The following REEP1 variants were observed in gnomAD, a reference collection of about 807,000 sequenced individuals.
The protein encoded by REEP1 is receptor accessory protein 1.
REEP1 carries 22 observed loss-of-function variants against 40.3 expected under a neutral mutation model. The ratio of observed to expected loss-of-function variants is 0.55; its 90% CI spans 0.39 to 0.78. The LOEUF (loss-of-function observed/expected upper bound fraction) is 0.78. Ranked by LOEUF, REEP1 falls within the 30% of genes least tolerant of loss-of-function variation. The pLI, the probability that REEP1 is intolerant of heterozygous loss-of-function variation, is 0.00. For missense variants in REEP1, 280 were observed against 361.1 expected (o/e 0.78, Z 1.82); for synonymous variants, 116 against 139.2 (o/e 0.83, Z 1.17).
chr2:86,323,791 G>A (rs149357437), intron 1 of REEP1, among the ~76,000 whole-genome samples: 113 of 152,292 alleles, frequency 7.4e-4, no homozygotes, highest in African/African-American at 2.3e-3. Context: ...CTAACACAGC[G>A]TGGCACTGTG....
At chr2:86,239,650 C>T (rs1305212070) in intron 5 of REEP1, among the ~76,000 whole-genome samples, 1 of 152,174 alleles carries the variant, frequency 6.6e-6, no homozygotes, top group African/African-American at 2.4e-5. Flanking sequence ...GCATGAGGAC[C>T]AGGCCCTTGT....
intron 6 of REEP1, 81 bp from the exon 7 acceptor site, chr2:86,227,479 G>A: frequency 8.8e-7 from 1 of 1,135,372 alleles, no homozygotes; most frequent in African/African-American, 1.6e-5. Context: ...GGAGGCCCTG[G>A]AGAGGTGTGG....
chr2:86,251,490 G>C (rs1225402790), intron 5 of REEP1: 1 of 201,562 alleles, frequency 5.0e-6, no homozygotes, highest in African/African-American at 2.3e-5. Flanking sequence ...CCACATGATC[G>C]TGAGTGAGTC....
chr2:86,304,496 C>A (rs924571661), intron 1 of REEP1, among the ~76,000 whole-genome samples: 1 of 152,200 alleles, frequency 6.6e-6, no homozygotes, highest in Non-Finnish European at 1.5e-5. Flanking sequence ...ATGCTTCAAT[C>A]CTTTGCATCC....
At chr2:86,288,527 C>A (rs1344502870) in intron 1 of REEP1, among the ~76,000 whole-genome samples, 1 of 152,190 alleles carries the variant, frequency 6.6e-6, no homozygotes, top group African/African-American at 2.4e-5. Context: ...TCTGTTGATG[C>A]ATACTTAGGT....
Position 86,319,905 on chromosome 2 carries a change from C to T in REEP1, c.32+17574G>A, listed in dbSNP as rs375118446. Among the ~76,000 whole-genome samples, 132 of 152,250 alleles carry T rather than the reference C, an allele frequency of 8.7e-4. 1 individual carries two copies. The South Asian group carries it at 0.027, about 31-fold the overall frequency. On this transcript the variant is annotated intron_variant, in intron 1 of 8. Transcript: ENST00000538924. ...GACGCATTTACAAGCCAAAGAAGGG[C>T]GAGGCTTGCTGACAACCTCCAGAAG...
intron 8 of REEP1, among the ~76,000 whole-genome samples, chr2:86,218,767 C>T (rs1260399963): frequency 2.0e-5 from 3 of 152,210 alleles, no homozygotes; most frequent in Non-Finnish European, 2.9e-5. Context: ...AAAAGGGATG[C>T]ATGTGTGCCT....
chr2:86,316,785 G>T (rs2104502496), intron 1 of REEP1, among the ~76,000 whole-genome samples: 1 of 152,156 alleles, frequency 6.6e-6, no homozygotes, highest in East Asian at 1.9e-4. Flanking sequence ...CTTGAACCCA[G>T]GAGGCAGAGG....
chr2:86,257,904 G>A (rs1676656633), intron 3 of REEP1, among the ~76,000 whole-genome samples: 1 of 152,290 alleles, frequency 6.6e-6, no homozygotes, highest in South Asian at 2.1e-4. Flanking sequence ...TTACAAGCAT[G>A]AGCCACCGCG....
At chr2:86,230,139 C>T (rs1674928850) in intron 6 of REEP1, among the ~76,000 whole-genome samples, 1 of 152,192 alleles carries the variant, frequency 6.6e-6, no homozygotes, top group Admixed American at 6.5e-5. Context: ...CTCCCTGGGG[C>T]ATGGCAGGGG....
At chr2:86,317,340 G>A (rs937110879) in intron 1 of REEP1, among the ~76,000 whole-genome samples, 1 of 152,146 alleles carries the variant, frequency 6.6e-6, no homozygotes, top group Non-Finnish European at 1.5e-5. Context: ...CTGGATAAAG[G>A]TGTGGAATTA....
chr2:86,228,407 T>C (rs1298230370), intron 6 of REEP1, among the ~76,000 whole-genome samples: 1 of 151,700 alleles, frequency 6.6e-6, no homozygotes, highest in East Asian at 1.9e-4. Flanking sequence ...TGGATGTCCC[T>C]TCTTGGCTCA....
intron 2 of REEP1, among the ~76,000 whole-genome samples, chr2:86,274,940 C>T (rs1425951814): frequency 6.6e-6 from 1 of 152,182 alleles, no homozygotes; most frequent in Non-Finnish European, 1.5e-5. Flanking sequence ...CTGGTCCATT[C>T]TACCCCACTG....
intron 1 of REEP1, among the ~76,000 whole-genome samples, chr2:86,319,834 C>T (rs568633851): frequency 6.6e-6 from 1 of 152,276 alleles, no homozygotes; most frequent in African/African-American, 2.4e-5. Context: ...GGAAAAAAGA[C>T]AGACACAGGA....
chr2:86,331,538 G>A (rs1680762468), intron 1 of REEP1, among the ~76,000 whole-genome samples: 1 of 151,748 alleles, frequency 6.6e-6, no homozygotes, highest in African/African-American at 2.4e-5. Context: ...AGGTGGGGGG[G>A]CGGGGAATGT....
chr2:86,337,716 G>A (rs1210647911), upstream of REEP1: 1 of 941,954 alleles, frequency 1.1e-6, no homozygotes, highest in Non-Finnish European at 1.3e-6. This position sits in a 1 kb window ranked among gnomAD's most constrained non-coding sequence, Gnocchi z 5.8. Context: ...GCCCCCCGGG[G>A]CTCGGCGGGC....
At chr2:86,271,977 C>CT (rs1478319520) in intron 2 of REEP1, among the ~76,000 whole-genome samples, 1 of 152,230 alleles carries the variant, frequency 6.6e-6, no homozygotes, top group Non-Finnish European at 1.5e-5. Context: ...AACGCCAGCA[C>CT]TTTGGGAGGC....
chr2:86,337,381 C>T lies in REEP1; in HGVS notation c.32+98G>A. ...TTTAGCTGCGCCGGGTATTAATAGC[C>T]CGAGCCACTGGGACCGGGCGCTGTA... On this transcript the variant is annotated intron_variant, in intron 1 of 8. Transcript: ENST00000538924. The surrounding 1 kb of genome is among the most constrained non-coding windows in gnomAD (Gnocchi z 5.8). 1 of 784,698 alleles carries T rather than the reference C, an allele frequency of 1.3e-6. No homozygotes were observed. The highest frequency in any genetic ancestry group is 1.7e-6 in the Non-Finnish European group (1 of 592,670). 48.6% of individuals were successfully genotyped at this position (784,698 alleles called of 1,614,324 possible). A position where few individuals can be genotyped will look rare whatever the true frequency, so the allele number is the denominator to read the frequency against.
intron 1 of REEP1, among the ~76,000 whole-genome samples, chr2:86,293,314 A>T (rs576925708): frequency 6.6e-6 from 1 of 152,332 alleles, no homozygotes; most frequent in Admixed American, 6.5e-5. Context: ...CAGGTGTATC[A>T]GAACAAGAAA....
Sources: gnomAD v4.1 joint callset for allele counts (sites outside exome capture counted in the v4.1 genomes callset) on GRCh38, gnomAD v4.1.1 for gene constraint, Gnocchi (gnomAD v3.1) non-coding constraint, MANE v1.5 for transcripts, NCBI Gene and HGNC (gene_info 2026-07-23, HGNC 2026-07-21) for gene names.